Variants in USP42 observed in about 807,000 individuals in gnomAD.
USP42 encodes ubiquitin specific peptidase 42, also known as ubiquitin carboxyl-terminal hydrolase 42.
In USP42, 23 loss-of-function variants were observed where a neutral mutation model predicts 113.0. That is an observed-to-expected ratio of 0.20 (90% confidence interval 0.15 to 0.29). The LOEUF (loss-of-function observed/expected upper bound fraction) is 0.29, where lower values mean the gene tolerates loss of function less well. Among genes scored for constraint, USP42 ranks in the 10% least tolerant of loss-of-function variants. USP42 has a pLI of 1.00. For synonymous variants in USP42, 933 were observed against 699.0 expected, an observed-to-expected ratio of 1.33 and a Z score of -5.28; for missense variants, 2,174 against 1,779.8, an observed-to-expected ratio of 1.22 and a Z score of -3.99.
At chr7:6,085,620 A>T in the USP42 span, among the ~76,000 whole-genome samples, 65,557 of 139,354 alleles carry the variant, frequency 0.47, 16,971 homozygotes, top group Middle Eastern at 0.57. Context: ...ATATATATAT[A>T]TATATTTTTT....
intron 3 of USP42, among the ~76,000 whole-genome samples, chr7:6,135,585 G>A (rs996305167): frequency 7.0e-6 from 1 of 143,264 alleles, no homozygotes; most frequent in Non-Finnish European, 1.5e-5. Context: ...CGGGGAGGCC[G>A]AGGTTGCAGT....
the USP42 span, among the ~76,000 whole-genome samples, chr7:6,093,410 C>T: frequency 9.3e-5 from 14 of 150,454 alleles, no homozygotes; most frequent in South Asian, 2.1e-4. Flanking sequence ...CTCAGATTCC[C>T]GAGTAACTGG....
At chr7:6,151,704 A>G (rs768710437) in intron 14 of USP42, among the ~76,000 whole-genome samples, 11 of 152,132 alleles carry the variant, frequency 7.2e-5, no homozygotes, top group Non-Finnish European at 1.3e-4. Context: ...TGGCCTCCCA[A>G]AGGGCTGGGA....
At chr7:6,124,823 AT>A (rs1238675866) in intron 3 of USP42, among the ~76,000 whole-genome samples, 6 of 150,632 alleles carry the variant, frequency 4.0e-5, no homozygotes, top group Admixed American at 6.6e-5. Flanking sequence ...TATTTTTGAT[AT>A]TTTTTTTCAT....
chr7:6,092,287 C>G, the USP42 span, among the ~76,000 whole-genome samples: 2 of 148,526 alleles, frequency 1.3e-5, no homozygotes, highest in South Asian at 4.2e-4. Context: ...AAGTGATTCA[C>G]CTGCCTCAGA....
chr7:6,105,591 C>T (rs1443592076), intron 1 of USP42, among the ~76,000 whole-genome samples: 1 of 152,154 alleles, frequency 6.6e-6, no homozygotes, highest in Non-Finnish European at 1.5e-5. Context: ...GGCGCCCCCT[C>T]CCCAGGCCTA....
At position 6,161,188 on chromosome 7, in the gene USP42, CAG is replaced by C. The variant is rs1562867189; in HGVS notation, c.*671_*672del. 6.6e-6 allele frequency: 1 copy of C among 152,668 alleles called. No homozygotes were observed. The highest frequency in any genetic ancestry group is 2.4e-5 in the African/African-American group (1 of 41,460). 9.5% of individuals were successfully genotyped at this position (152,668 alleles called of 1,614,324 possible). On this transcript the variant is annotated 3_prime_UTR_variant, in exon 18 of 18. Transcript: ENST00000306177. The stretch of plus-strand genomic sequence containing the variant: ...ACCCAGACATGATTTGTAAAGCCGA[CAG>C]TATGTTTCTATTACACAACACTTTT...
At chr7:6,140,039 T>C (rs750140725) in intron 5 of USP42, 89 bp from the exon 6 acceptor site, 20 of 1,192,138 alleles carry the variant, frequency 1.7e-5, no homozygotes, top group Non-Finnish European at 2.3e-5. Context: ...TCTTGATCTT[T>C]TGTGAGCTCC....
At chr7:6,118,703 A>T (rs986806813) in intron 3 of USP42, among the ~76,000 whole-genome samples, 1 of 151,872 alleles carries the variant, frequency 6.6e-6, no homozygotes, top group African/African-American at 2.4e-5. Flanking sequence ...TTGCATATGG[A>T]TGTTCGGTTG....
chr7:6,159,469 C>G lies in USP42; in HGVS notation c.*12C>G. 1.2e-6 allele frequency: 2 copies of G among 1,613,632 alleles called. No homozygotes were observed. The highest frequency in any genetic ancestry group is 1.7e-6 in the Non-Finnish European group (2 of 1,179,764). ...TTCTAGGTGATTGAAAACTCAGCCT[C>G]AAAACAAAAAATTCACTAGTTATGG... On this transcript the variant is annotated 3_prime_UTR_variant, in exon 17 of 18. Coordinates refer to ENST00000306177, the MANE Select transcript of USP42 (RefSeq NM_032172.3). This position sits in a 1 kb window ranked among gnomAD's most constrained non-coding sequence, Gnocchi z 4.1.
At chr7:6,101,200 A>C (rs1425733753), upstream of USP42, among the ~76,000 whole-genome samples, 1 of 151,120 alleles carries the variant, frequency 6.6e-6, no homozygotes, top group East Asian at 1.9e-4. Context: ...TAAGCAGCGA[A>C]CACCACAGCA....
chr7:6,148,125 C>T (rs956257944), intron 12 of USP42, among the ~76,000 whole-genome samples: 1 of 152,130 alleles, frequency 6.6e-6, no homozygotes, highest in Non-Finnish European at 1.5e-5. Flanking sequence ...ATCATTTGAG[C>T]TCAGTTGTTT....
chr7:6,122,279 G>GTTTTTT (rs55777900), intron 3 of USP42, among the ~76,000 whole-genome samples: 1 of 133,540 alleles, frequency 7.5e-6, no homozygotes. Flanking sequence ...TCATGTGTCA[G>GTTTTTT]TTTTTTTTTT....
Position 6,111,291 on chromosome 7 carries a change from C to G in USP42, c.158C>G (p.Ser53Cys), listed in dbSNP as rs773945031. The change falls in exon 2 of 18, where the codon TCT (serine) becomes TGT (cysteine). Residue 53 changes from serine to cysteine, a missense_variant. Physicochemically the swap from Ser to Cys is moderately radical, Grantham distance 112. Transcript: ENST00000306177. ...SLNDVSNHTL[S>C]LGPVPGAVVY... ...AATGATGTGTCAAATCACACACTTT[C>G]TTTAGGACCAGTACCTGGTGCTGTA... 2 of 1,607,320 alleles carry G rather than the reference C, an allele frequency of 1.2e-6. No individual in the cohort carries two copies. The highest frequency in any genetic ancestry group is 1.7e-5 in the Admixed American group (1 of 58,602).
chr7:6,103,371 T>C (rs114863186), upstream of USP42, among the ~76,000 whole-genome samples: 1 of 150,644 alleles, frequency 6.6e-6, no homozygotes, highest in African/African-American at 2.5e-5. Context: ...ACTCTGTCTC[T>C]ACAAAATACA....
chr7:6,153,542 G>A lies in USP42; in HGVS notation c.2202-214G>A, dbSNP rs572978509. Among the ~76,000 whole-genome samples the A allele has an allele frequency of 3.3e-5, 5 of 152,320 alleles. No homozygotes were observed. In the South Asian group the frequency reaches 1.0e-3, roughly 32 times the overall value. ...AGACGAAATAGCTGCTAAATGACGA[G>A]TTAATGGGTGCAGCACACCAGCATG... is the stretch of plus-strand genomic sequence containing the variant. On this transcript the variant is annotated intron_variant, in intron 14 of 17. Coordinates refer to ENST00000306177, the MANE Select transcript of USP42 (RefSeq NM_032172.3).
chr7:6,088,298 T>A, the USP42 span, among the ~76,000 whole-genome samples: 2 of 150,992 alleles, frequency 1.3e-5, no homozygotes, highest in Non-Finnish European at 2.9e-5. Flanking sequence ...TCTGTCACCC[T>A]AGGCTGGACT....
intron 15 of USP42, among the ~76,000 whole-genome samples, 177 bp from the exon 16 acceptor site, chr7:6,156,577 G>A (rs1294868578): frequency 2.0e-5 from 3 of 152,122 alleles, no homozygotes; most frequent in East Asian, 3.9e-4. Context: ...AGCCTCCCGA[G>A]TAGCTGGGAC....
At chr7:6,129,582 G>A (rs1208374836) in intron 3 of USP42, among the ~76,000 whole-genome samples, 2 of 131,644 alleles carry the variant, frequency 1.5e-5, no homozygotes, top group Non-Finnish European at 1.6e-5. Context: ...AAAAAAGGAC[G>A]AGGCGCGGTG....
Sources: gnomAD v4.1 joint callset for allele counts (sites outside exome capture counted in the v4.1 genomes callset) on GRCh38, gnomAD v4.1.1 for gene constraint, Gnocchi (gnomAD v3.1) non-coding constraint, MANE v1.5 for transcripts, NCBI Gene and HGNC (gene_info 2026-07-23, HGNC 2026-07-21) for gene names.